Variants in CREB5 observed in about 807,000 individuals in gnomAD.
The protein encoded by CREB5 is cyclic AMP-responsive element-binding protein 5.
CREB5 carries 19 observed loss-of-function variants against 57.1 expected under a neutral mutation model. The observed-to-expected ratio is 0.33, with a 90% CI of 0.23 to 0.49. The LOEUF (loss-of-function observed/expected upper bound fraction) is 0.49, where lower values mean the gene tolerates loss of function less well. CREB5 is among the 20% of genes least tolerant of loss of function. CREB5 has a pLI of 0.99. For missense variants in CREB5, 579 were observed against 671.6 expected (o/e 0.86, Z 1.52); for synonymous variants, 238 against 238.3 (o/e 1.00, Z 0.01).
intron 5 of CREB5, among the ~76,000 whole-genome samples, chr7:28,644,227 G>C (rs755347710): frequency 3.3e-5 from 5 of 152,156 alleles, no homozygotes; most frequent in Admixed American, 6.5e-5. Flanking sequence ...CTGTAATGTA[G>C]CTGAGTGTCT....
chr7:28,790,798 T>C (rs1807658587), intron 7 of CREB5, among the ~76,000 whole-genome samples: 1 of 152,252 alleles, frequency 6.6e-6, no homozygotes, highest in African/African-American at 2.4e-5. Context: ...AATATGCTCC[T>C]TAAGCATGAT....
At chr7:28,499,879 G>A (rs187078635) in intron 3 of CREB5, among the ~76,000 whole-genome samples, 27 of 152,326 alleles carry the variant, frequency 1.8e-4, no homozygotes, top group East Asian at 9.6e-4. Context: ...CACAGCACCC[G>A]GCCAACTGTG....
intron 1 of CREB5, among the ~76,000 whole-genome samples, chr7:28,332,305 T>C (rs1277297841): frequency 6.6e-6 from 1 of 152,202 alleles, no homozygotes; most frequent in Non-Finnish European, 1.5e-5. Flanking sequence ...GCATTTCTGT[T>C]GTCTGAAGCC....
rs1290491198 is a variant in CREB5 at position 28,595,447 on chromosome 7, C to T, written c.464+24910C>T. 3.3e-5 allele frequency among the ~76,000 whole-genome samples: 5 copies of T among 152,188 alleles called. No individual in the cohort carries two copies. In the East Asian group the frequency reaches 9.7e-4, roughly 29 times the overall value. ...AAATGATGAATGATCAGTCAATGAT[C>T]GAATTTGAAATGAAGTTTTAAATAG... On this transcript the variant is annotated intron_variant, in intron 5 of 10. Coordinates refer to ENST00000357727, the MANE Select transcript of CREB5 (RefSeq NM_182898.4).
At chr7:28,692,546 G>A (rs1328119434) in intron 5 of CREB5, among the ~76,000 whole-genome samples, 2 of 152,198 alleles carry the variant, frequency 1.3e-5, no homozygotes, top group African/African-American at 4.8e-5. Flanking sequence ...TACTGGTTGT[G>A]TGACTTTGAC....
intron 7 of CREB5, among the ~76,000 whole-genome samples, chr7:28,766,744 G>A (rs1461064666): frequency 1.3e-5 from 2 of 152,166 alleles, no homozygotes; most frequent in Non-Finnish European, 2.9e-5. Flanking sequence ...TAAATAGTGA[G>A]GAGGAAGACT....
intron 1 of CREB5, among the ~76,000 whole-genome samples, chr7:28,321,438 A>T (rs1785493962): frequency 6.6e-6 from 1 of 152,138 alleles, no homozygotes; most frequent in Non-Finnish European, 1.5e-5. Context: ...TCTCTCTCTC[A>T]TACCCAATCT....
At chr7:28,369,006 A>G (rs1275225367) in intron 1 of CREB5, among the ~76,000 whole-genome samples, 3 of 152,252 alleles carry the variant, frequency 2.0e-5, no homozygotes, top group Admixed American at 2.0e-4. Context: ...GGTTGGTGCC[A>G]CTGCACTCCA....
chr7:28,821,126 ATGTGTGTGTGTG>A lies in CREB5; in HGVS notation c.*1869_*1880del, dbSNP rs35688232. 2.7e-5 allele frequency: 4 copies of A among 146,342 alleles called. No homozygotes were observed. The highest frequency in any genetic ancestry group is 2.0e-4 in the East Asian group (1 of 4,924). 9.1% of individuals were successfully genotyped at this position (146,342 alleles called of 1,614,324 possible). A position where few individuals can be genotyped will look rare whatever the true frequency, so the allele number is the denominator to read the frequency against. ...CTCCATTTGAATGCTTGACCTCTTA[ATGTGTGTGTGTG>A]TGTGTGTGTGTGTGTGTGTGTTCAT... On this transcript the variant is annotated 3_prime_UTR_variant, in exon 11 of 11. Coordinates refer to ENST00000357727, the MANE Select transcript of CREB5 (RefSeq NM_182898.4).
intron 7 of CREB5, among the ~76,000 whole-genome samples, chr7:28,750,306 T>G (rs995344508): frequency 4.6e-5 from 7 of 152,300 alleles, no homozygotes; most frequent in South Asian, 2.1e-4. Context: ...GTCCTGAAGT[T>G]GGGGCTCATC....
At chr7:28,742,183 G>A (rs1174883724) in intron 7 of CREB5, among the ~76,000 whole-genome samples, 1 of 152,038 alleles carries the variant, frequency 6.6e-6, no homozygotes. Context: ...AGATGGGAGT[G>A]ATGGAAATGA....
intron 1 of CREB5, among the ~76,000 whole-genome samples, chr7:28,351,459 G>T (rs1467563874): frequency 1.3e-5 from 2 of 152,216 alleles, no homozygotes; most frequent in African/African-American, 2.4e-5. Flanking sequence ...CCTGCACCAA[G>T]ATCAGACTGT....
chr7:28,440,257 A>T (rs970732916), intron 1 of CREB5, among the ~76,000 whole-genome samples: 1 of 152,104 alleles, frequency 6.6e-6, no homozygotes, highest in Non-Finnish European at 1.5e-5. Flanking sequence ...CTCTGTGAGG[A>T]CTCACCATCT....
intron 5 of CREB5, among the ~76,000 whole-genome samples, chr7:28,698,434 T>C (rs1014006179): frequency 1.4e-5 from 2 of 142,588 alleles, no homozygotes; most frequent in Non-Finnish European, 3.0e-5. Context: ...TACCAGAAAA[T>C]AACCCCACGA....
At chr7:28,489,122 T>C (rs545254457) in intron 2 of CREB5, among the ~76,000 whole-genome samples, 67 of 152,118 alleles carry the variant, frequency 4.4e-4, no homozygotes, top group Non-Finnish European at 8.4e-4. Flanking sequence ...ATCTTCATTC[T>C]GTGGGATATA....
intron 1 of CREB5, among the ~76,000 whole-genome samples, chr7:28,467,782 G>C (rs757125117): frequency 1.6e-4 from 24 of 152,286 alleles, no homozygotes; most frequent in African/African-American, 5.8e-4. Context: ...CCTGGAAAGA[G>C]GTGGAGCTAA....
intron 5 of CREB5, among the ~76,000 whole-genome samples, chr7:28,627,744 T>G (rs115936506): frequency 0.01 from 1,544 of 152,258 alleles, 27 homozygotes; most frequent in African/African-American, 0.035. Context: ...GGACCTCCTC[T>G]GGCCATATCC....
At chr7:28,529,721 A>G (rs955197561) in intron 4 of CREB5, among the ~76,000 whole-genome samples, 1 of 152,228 alleles carries the variant, frequency 6.6e-6, no homozygotes, top group Non-Finnish European at 1.5e-5. Flanking sequence ...CTTCCCACCC[A>G]AATGTGGGGA....
In CREB5 at chr7:28,625,849, G is replaced by T. The variant is rs1406808169; in HGVS notation, c.464+55312G>T. ...TTTGTTAAAATGACATAATATCATA[G>T]AGGATCATCTATTTCAATAAGAACA... On this transcript the variant is annotated intron_variant, in intron 5 of 10. Transcript: ENST00000357727. 2.0e-5 allele frequency among the ~76,000 whole-genome samples: 3 copies of T among 152,146 alleles called. No individual in the cohort carries two copies. In the East Asian group the frequency reaches 5.8e-4, roughly 29 times the overall value.
Sources: gnomAD v4.1 joint callset for allele counts (sites outside exome capture counted in the v4.1 genomes callset) on GRCh38, gnomAD v4.1.1 for gene constraint, MANE v1.5 for transcripts, NCBI Gene and HGNC (gene_info 2026-07-23, HGNC 2026-07-21) for gene names.